The following ANKS1B variants were observed in gnomAD, a reference collection of about 807,000 sequenced individuals.
ANKS1B encodes ankyrin repeat and sterile alpha motif domain-containing protein 1B.
In ANKS1B, 36 loss-of-function variants were observed where a neutral mutation model predicts 148.3. That is an observed-to-expected ratio of 0.24 (90% CI 0.19 to 0.32). ANKS1B has a LOEUF of 0.32. ANKS1B is among the 10% of genes least tolerant of loss of function. The pLI, the probability that ANKS1B is intolerant of heterozygous loss-of-function variation, is 1.00. For missense variants in ANKS1B, 1,157 were observed against 1,542.6 expected (o/e 0.75, Z 4.19); for synonymous variants, 542 against 560.8 (o/e 0.97, Z 0.47).
intron 10 of ANKS1B, among the ~76,000 whole-genome samples, chr12:99,452,317 G>C (rs956148316): frequency 6.6e-6 from 1 of 152,020 alleles, no homozygotes; most frequent in Non-Finnish European, 1.5e-5. Flanking sequence ...CCCTTTTATG[G>C]ACAGACCTAG....
intron 14 of ANKS1B, among the ~76,000 whole-genome samples, chr12:99,239,896 T>C (rs1253527254): frequency 6.6e-6 from 1 of 152,090 alleles, no homozygotes; most frequent in South Asian, 2.1e-4. Context: ...CAGGCCTACC[T>C]TACAAGAGCT....
intron 8 of ANKS1B, among the ~76,000 whole-genome samples, chr12:99,748,186 C>A (rs1333040554): frequency 2.0e-5 from 3 of 151,996 alleles, no homozygotes; most frequent in South Asian, 2.1e-4. Context: ...CAAATTGCAA[C>A]CCTGACCCTT....
chr12:99,793,951 T>A (rs1000741056), intron 4 of ANKS1B, among the ~76,000 whole-genome samples: 5 of 151,776 alleles, frequency 3.3e-5, no homozygotes, highest in African/African-American at 1.2e-4. Flanking sequence ...CCAGAATATA[T>A]AAGGAACAAA....
At chr12:99,745,760 T>G (rs751217362) in intron 8 of ANKS1B, among the ~76,000 whole-genome samples, 59 of 152,100 alleles carry the variant, frequency 3.9e-4, no homozygotes, top group Non-Finnish European at 7.1e-4. Flanking sequence ...TTAAATTAAA[T>G]GCCATGTTTC....
intron 17 of ANKS1B, among the ~76,000 whole-genome samples, chr12:98,945,505 C>CAAAAAAAAAAAAAAAAAAAAAA (rs3051086): frequency 2.6e-4 from 8 of 30,288 alleles, no homozygotes; most frequent in African/African-American, 6.5e-4. Context: ...AACAAACAAA[C>CAAAAAAAAAAAAAAAAAAAAAA]AAAAAAAAAA....
chr12:99,016,580 C>T lies in ANKS1B; in HGVS notation c.2778+36577G>A, dbSNP rs374417330. On this transcript the variant is annotated intron_variant, in intron 17 of 26. Transcript: ENST00000683438. ...CTGAGGTAGGAGACTTGCTTGAAGC[C>T]GGGAGGTGGAGGTTGCAGTGAGCCG... is the stretch of plus-strand genomic sequence containing the variant. 7.7e-4 allele frequency among the ~76,000 whole-genome samples: 117 copies of T among 152,128 alleles called. No individual in the cohort carries two copies. In the South Asian group the frequency reaches 1.0e-2, roughly 13 times the overall value.
intron 15 of ANKS1B, among the ~76,000 whole-genome samples, chr12:99,087,953 T>G (rs1183780513): frequency 2.0e-5 from 3 of 152,212 alleles, no homozygotes; most frequent in African/African-American, 4.8e-5. Context: ...AGGAGTCCTT[T>G]TGAAGAATTA....
At chr12:98,979,298 C>T (rs577637554) in intron 17 of ANKS1B, among the ~76,000 whole-genome samples, 2 of 151,022 alleles carry the variant, frequency 1.3e-5, no homozygotes, top group Admixed American at 6.6e-5. Flanking sequence ...GATGGAGTCT[C>T]GCTCTGTCGC....
intron 12 of ANKS1B, among the ~76,000 whole-genome samples, chr12:99,288,107 A>C (rs1327959520): frequency 6.6e-6 from 1 of 152,172 alleles, no homozygotes; most frequent in Non-Finnish European, 1.5e-5. Flanking sequence ...AGACTACTTT[A>C]AGTCTTTTAA....
intron 14 of ANKS1B, among the ~76,000 whole-genome samples, chr12:99,177,687 T>C (rs2078574582): frequency 6.6e-6 from 1 of 152,238 alleles, no homozygotes; most frequent in Non-Finnish European, 1.5e-5. Context: ...TCATCAGCTG[T>C]GGTTAGTGTC....
At chr12:99,033,790 T>G (rs540969155) in intron 17 of ANKS1B, among the ~76,000 whole-genome samples, 32 of 152,248 alleles carry the variant, frequency 2.1e-4, no homozygotes, top group Non-Finnish European at 4.0e-4. Flanking sequence ...TTGACTATCT[T>G]CAGATTACAC....
At chr12:98,767,183 T>C (rs78070393) in intron 25 of ANKS1B, among the ~76,000 whole-genome samples, 11,630 of 152,028 alleles carry the variant, frequency 0.076, 592 homozygotes, top group Middle Eastern at 0.17. Context: ...AGAGCCAAAG[T>C]TGGAAGTGGT....
chr12:98,904,845 A>T (rs1016664654), intron 17 of ANKS1B, among the ~76,000 whole-genome samples: 1 of 139,674 alleles, frequency 7.2e-6, no homozygotes. Context: ...GATTATTATT[A>T]TTATTTCAGT....
chr12:99,506,485 G>A (rs2153012782), intron 9 of ANKS1B, among the ~76,000 whole-genome samples: 1 of 152,106 alleles, frequency 6.6e-6, no homozygotes, highest in South Asian at 2.1e-4. Context: ...AAGGCATCCA[G>A]AGGAAAGTAA....
At chr12:98,968,675 G>A (rs1343681172) in intron 17 of ANKS1B, among the ~76,000 whole-genome samples, 3 of 152,174 alleles carry the variant, frequency 2.0e-5, no homozygotes, top group South Asian at 4.1e-4. Context: ...AAATGACAGA[G>A]GCCTCTTGGT....
intron 17 of ANKS1B, among the ~76,000 whole-genome samples, chr12:98,938,831 A>T (rs1223897512): frequency 6.6e-6 from 1 of 152,224 alleles, no homozygotes; most frequent in African/African-American, 2.4e-5. Context: ...TTGGGAAGTC[A>T]CCCATCAACT....
chr12:99,470,196 C>G (rs1397112809), intron 10 of ANKS1B, among the ~76,000 whole-genome samples: 1 of 151,782 alleles, frequency 6.6e-6, no homozygotes, highest in Non-Finnish European at 1.5e-5. Context: ...GAGACATGCA[C>G]TCATTATCCA....
At chr12:99,829,871 G>A (rs1260647048) in intron 1 of ANKS1B, among the ~76,000 whole-genome samples, 2 of 151,774 alleles carry the variant, frequency 1.3e-5, no homozygotes, top group Admixed American at 6.6e-5. Flanking sequence ...GGATAGCTTT[G>A]ATAAAAAATA....
rs2094961737 is a variant in ANKS1B at position 99,943,159 on chromosome 12, ACT to A, written c.134+40943_134+40944del. Among the ~76,000 whole-genome samples, 4 of 152,136 alleles carry A rather than the reference ACT, an allele frequency of 2.6e-5. No homozygotes were observed. The South Asian group carries it at 8.3e-4, about 32-fold the overall frequency. ...GAGAATTATGGCTGTAAAAAATGAA[ACT>A]CTGATCAAACCACATCTGAAACCCA... On this transcript the variant is annotated intron_variant, in intron 1 of 26. Transcript: ENST00000683438.
Sources: allele counts gnomAD v4.1 joint callset (sites outside exome capture counted in the v4.1 genomes callset), GRCh38; gene constraint gnomAD v4.1.1; transcripts MANE v1.5; gene names NCBI Gene and HGNC (gene_info 2026-07-23, HGNC 2026-07-21).